The following ARL15 variants were observed in gnomAD, a reference collection of about 807,000 sequenced individuals.
ARL15 encodes the protein ADP-ribosylation factor-like protein 15.
Under a neutral mutation model 25.2 loss-of-function variants are expected in ARL15, and 19 were observed. That is an observed-to-expected ratio of 0.75 (90% CI 0.53 to 1.10). ARL15 has a LOEUF of 1.10. Ranked by LOEUF, ARL15 falls within the 50% of genes least tolerant of loss-of-function variation. The probability of loss-of-function intolerance (pLI) is 0.00; values close to 1 mark genes in which losing one functional copy is unlikely to be tolerated. For synonymous variants in ARL15, 94 were observed against 86.8 expected (o/e 1.08, Z -0.46); for missense variants, 220 against 246.0 (o/e 0.89, Z 0.71).
rs528676863 is a variant in ARL15 at position 54,186,299 on chromosome 5, C to T, written c.49-14371G>A. On this transcript the variant is annotated intron_variant, in intron 1 of 4. Coordinates refer to ENST00000504924, the MANE Select transcript of ARL15 (RefSeq NM_019087.3). ...CTATCTCGCCTCACACATCAACACA[C>T]GTGCCAGACAGATTCTGACTGCAAA... Among the ~76,000 whole-genome samples the T allele has an allele frequency of 1.4e-4, 21 of 152,290 alleles. No individual in the cohort carries two copies. The South Asian group carries it at 2.5e-3, about 18-fold the overall frequency.
At chr5:54,048,489 G>A (rs1439288786) in intron 4 of ARL15, among the ~76,000 whole-genome samples, 17 of 148,806 alleles carry the variant, frequency 1.1e-4, no homozygotes, top group African/African-American at 3.4e-4. Context: ...TGCAACCTCC[G>A]CCTCCTGGGT....
At chr5:53,927,137 G>A (rs950132165) in intron 4 of ARL15, among the ~76,000 whole-genome samples, 7 of 151,956 alleles carry the variant, frequency 4.6e-5, no homozygotes, top group East Asian at 1.9e-4. Flanking sequence ...CCATTTAATC[G>A]TTAATTTTCT....
At chr5:53,920,690 A>AAATAAAT (rs1561150015) in intron 4 of ARL15, among the ~76,000 whole-genome samples, 2 of 113,340 alleles carry the variant, frequency 1.8e-5, no homozygotes, top group East Asian at 2.5e-4. Flanking sequence ...AATAAATAAA[A>AAATAAAT]GGAGCTGCCT....
chr5:53,963,177 CCT>C (rs1460614328), intron 4 of ARL15, among the ~76,000 whole-genome samples: 1 of 152,148 alleles, frequency 6.6e-6, no homozygotes, highest in Non-Finnish European at 1.5e-5. Flanking sequence ...ACATTTATCC[CCT>C]TTCTCAAGTG....
chr5:54,009,371 C>T (rs1274758267), intron 4 of ARL15, among the ~76,000 whole-genome samples: 1 of 152,184 alleles, frequency 6.6e-6, no homozygotes, highest in Non-Finnish European at 1.5e-5. Flanking sequence ...TTCTAACATT[C>T]ATTTCATTCA....
intron 4 of ARL15, among the ~76,000 whole-genome samples, chr5:54,037,777 T>C (rs982123530): frequency 6.6e-6 from 1 of 152,082 alleles, no homozygotes; most frequent in Admixed American, 6.6e-5. Context: ...AGAGTCGTTA[T>C]AGTATTAAAA....
At chr5:53,980,419 C>T (rs1465133625) in intron 4 of ARL15, among the ~76,000 whole-genome samples, 1 of 152,174 alleles carries the variant, frequency 6.6e-6, no homozygotes, top group African/African-American at 2.4e-5. Flanking sequence ...ATAAAATTTA[C>T]ACAGAGGTCT....
rs115480167 is a variant in ARL15, at chr5:54,265,031, C to T, written c.48+45401G>A. Among the ~76,000 whole-genome samples, 444 of 152,262 alleles carry T rather than the reference C, an allele frequency of 2.9e-3. 3 individuals are homozygous for T. The highest frequency in any genetic ancestry group is 0.01 in the African/African-American group (426 of 41,558). On this transcript the variant is annotated intron_variant, in intron 1 of 4. Coordinates refer to ENST00000504924, the MANE Select transcript of ARL15 (RefSeq NM_019087.3). The stretch of plus-strand genomic sequence containing the variant: ...TACCATGCCATAGTTAAATGTTCAA[C>T]ACTGACTGAATGAATGGACTGATCA...
chr5:54,295,244 G>A (rs1260302076), intron 1 of ARL15, among the ~76,000 whole-genome samples: 3 of 152,146 alleles, frequency 2.0e-5, no homozygotes, highest in Admixed American at 2.0e-4. Context: ...AATTATTTAT[G>A]ATAAAACAGG....
chr5:54,042,040 G>A lies in ARL15; in HGVS notation c.462+71162C>T, dbSNP rs549185538. Among the ~76,000 whole-genome samples the A allele has an allele frequency of 2.3e-3, 346 of 150,772 alleles. 5 individuals are homozygous for A. Among genetic ancestry groups the A allele is most frequent in the African/African-American group, 8.0e-3 (329 of 41,056 alleles). On this transcript the variant is annotated intron_variant, in intron 4 of 4. Coordinates refer to ENST00000504924, the MANE Select transcript of ARL15 (RefSeq NM_019087.3). ...GGCTGGAGTGCAGTGGCACGATCTC[G>A]GCTCACCGCAACCTCTGCCTCCTGG...
chr5:54,241,202 C>T (rs1322544801), intron 1 of ARL15, among the ~76,000 whole-genome samples: 1 of 152,018 alleles, frequency 6.6e-6, no homozygotes, highest in Non-Finnish European at 1.5e-5. Context: ...AAAAAATAAG[C>T]CAGCAGAACA....
chr5:54,116,687 T>C (rs1752909665), intron 3 of ARL15, among the ~76,000 whole-genome samples: 1 of 152,154 alleles, frequency 6.6e-6, no homozygotes, highest in Non-Finnish European at 1.5e-5. Flanking sequence ...GCTCAAAGTG[T>C]TTTACGTATA....
Position 54,071,521 on chromosome 5 carries a change from C to T in ARL15, c.462+41681G>A, listed in dbSNP as rs1296595171. On this transcript the variant is annotated intron_variant, in intron 4 of 4. Coordinates refer to ENST00000504924, the MANE Select transcript of ARL15 (RefSeq NM_019087.3). The stretch of plus-strand genomic sequence containing the variant: ...TCTTCCACCGCCTTTCCCCCCCCCC[C>T]CCCCGCAAAGCCAGACCCAACCTCT... Among the ~76,000 whole-genome samples the T allele has an allele frequency of 3.0e-3, 337 of 112,250 alleles. 8 individuals are homozygous for T. The highest frequency in any genetic ancestry group is 0.014 in the African/African-American group (311 of 22,314). 73.6% of individuals were successfully genotyped at this position (112,250 alleles called of 152,430 possible).
intron 4 of ARL15, among the ~76,000 whole-genome samples, chr5:54,023,398 G>A (rs1017221782): frequency 6.6e-6 from 1 of 152,052 alleles, no homozygotes; most frequent in East Asian, 1.9e-4. Context: ...GTAAAGAGAC[G>A]GTTAAGTCGA....
rs538088896 is a variant in ARL15 at position 54,195,269 on chromosome 5, A to G, written c.49-23341T>C. Among the ~76,000 whole-genome samples, 6 of 152,306 alleles carry G rather than the reference A, an allele frequency of 3.9e-5. No individual in the cohort carries two copies. The South Asian group carries it at 1.0e-3, about 26-fold the overall frequency. ...GGCTCAAGATAGATCCTATATTCAG[A>G]CATCATCAATGAAAATACAGAAAAA... On this transcript the variant is annotated intron_variant, in intron 1 of 4. Transcript: ENST00000504924.
At chr5:54,043,528 T>G (rs894038560) in intron 4 of ARL15, among the ~76,000 whole-genome samples, 4 of 152,128 alleles carry the variant, frequency 2.6e-5, no homozygotes, top group Non-Finnish European at 5.9e-5. Context: ...TTGTGGTCAA[T>G]GAGATGGGTA....
At position 54,010,593 on chromosome 5, in the gene ARL15, A is replaced by ATTAGAG. The variant is rs1749203200; in HGVS notation, c.462+102608_462+102609insCTCTAA. On this transcript the variant is annotated intron_variant, in intron 4 of 4. Coordinates refer to ENST00000504924, the MANE Select transcript of ARL15 (RefSeq NM_019087.3). ...AAATAAAAAATAATAATAACCTGCA[A>ATTAGAG]TACAAAGCCCAAGACTGTCCAACAC... Among the ~76,000 whole-genome samples the ATTAGAG allele has an allele frequency of 4.6e-5, 7 of 152,324 alleles. No homozygotes were observed. The South Asian group carries it at 1.5e-3, about 32-fold the overall frequency.
intron 4 of ARL15, among the ~76,000 whole-genome samples, chr5:54,085,870 C>T (rs1289989429): frequency 6.6e-6 from 1 of 151,402 alleles, no homozygotes. Flanking sequence ...GACTGAAATA[C>T]CTATATTCTC....
At chr5:54,094,770 GT>G (rs907918577) in intron 4 of ARL15, among the ~76,000 whole-genome samples, 18 of 152,148 alleles carry the variant, frequency 1.2e-4, no homozygotes, top group African/African-American at 4.1e-4. Flanking sequence ...TGCACTGTTT[GT>G]CCCATCATAA....
Sources: allele counts gnomAD v4.1 joint callset (sites outside exome capture counted in the v4.1 genomes callset), GRCh38; gene constraint gnomAD v4.1.1; transcripts MANE v1.5; gene names NCBI Gene and HGNC (gene_info 2026-07-23, HGNC 2026-07-21).